The following GAP43 variants were observed in gnomAD, a reference collection of about 807,000 sequenced individuals.
GAP43 encodes growth associated protein 43, also known as neuromodulin.
In GAP43, 6 loss-of-function variants were observed where a neutral mutation model predicts 18.6. That is an observed-to-expected ratio of 0.32 (90% CI 0.18 to 0.64). The LOEUF (loss-of-function observed/expected upper bound fraction) is 0.64, where lower values mean the gene tolerates loss of function less well. Among genes scored for constraint, GAP43 ranks in the 30% least tolerant of loss-of-function variants. The pLI is 0.78. For synonymous variants in GAP43, 115 were observed against 111.4 expected (o/e 1.03, Z -0.20); for missense variants, 292 against 295.5 (o/e 0.99, Z 0.09).
At chr3:115,712,059 A>C (rs146330135) in intron 2 of GAP43, among the ~76,000 whole-genome samples, 12 of 152,232 alleles carry the variant, frequency 7.9e-5, no homozygotes, top group African/African-American at 2.6e-4. Context: ...TTTGATAGAC[A>C]TTTTTTATAA....
chr3:115,681,371 T>A (rs1708955853), intron 2 of GAP43, among the ~76,000 whole-genome samples: 1 of 152,196 alleles, frequency 6.6e-6, no homozygotes. Flanking sequence ...GTTCTTTCTC[T>A]CTATTAAGGT....
At chr3:115,677,532 C>T (rs1472636914) in intron 2 of GAP43, among the ~76,000 whole-genome samples, 1 of 152,166 alleles carries the variant, frequency 6.6e-6, no homozygotes, top group East Asian at 1.9e-4. Context: ...AGATCCTTCC[C>T]TCACCCCAAC....
At chr3:115,690,857 G>A (rs571102211) in intron 2 of GAP43, among the ~76,000 whole-genome samples, 10 of 147,762 alleles carry the variant, frequency 6.8e-5, no homozygotes, top group South Asian at 2.1e-4. Flanking sequence ...CCAGGTTCAC[G>A]CCATTCTCCT....
At chr3:115,678,793 T>A (rs535235584) in intron 2 of GAP43, among the ~76,000 whole-genome samples, 1 of 151,974 alleles carries the variant, frequency 6.6e-6, no homozygotes, top group East Asian at 1.9e-4. Context: ...TTGAAGGTAA[T>A]CACAAAGGGC....
chr3:115,675,818 C>T (rs1304500211), intron 1 of GAP43, among the ~76,000 whole-genome samples, 195 bp from the exon 2 acceptor site: 1 of 121,290 alleles, frequency 8.2e-6, no homozygotes, highest in Admixed American at 8.5e-5. Flanking sequence ...GTCCGAAAGA[C>T]ATTACTTTTC....
chr3:115,701,295 G>A (rs1709294300), intron 2 of GAP43, among the ~76,000 whole-genome samples: 1 of 151,958 alleles, frequency 6.6e-6, no homozygotes, highest in Non-Finnish European at 1.5e-5. Flanking sequence ...TATATCCTCT[G>A]AGCCCCTCTG....
chr3:115,658,662 C>G (rs981939211), intron 1 of GAP43: 1 of 152,234 alleles, frequency 6.6e-6, no homozygotes, highest in Non-Finnish European at 1.5e-5. Context: ...GCTTGGGGTC[C>G]GCGGGGCTCC....
intron 1 of GAP43, among the ~76,000 whole-genome samples, chr3:115,670,225 C>A (rs1375790113): frequency 7.4e-6 from 1 of 135,204 alleles, no homozygotes; most frequent in Non-Finnish European, 1.6e-5. Flanking sequence ...CAATTCCCAC[C>A]TATGAGTGAG....
rs376412583 is a variant in GAP43 at position 115,641,510 on chromosome 3, T to TCACACACACACACACA, written c.30+17809_30+17824dup. Among the ~76,000 whole-genome samples the TCACACACACACACACA allele has an allele frequency of 8.3e-3, 884 of 107,046 alleles. 4 individuals are homozygous for TCACACACACACACACA. The highest frequency in any genetic ancestry group is 0.015 in the African/African-American group (430 of 27,902). 70.2% of individuals were successfully genotyped at this position (107,046 alleles called of 152,430 possible). A position where few individuals can be genotyped will look rare whatever the true frequency, so the allele number is the denominator to read the frequency against. ...GTGCATATATTATACATATATATAT[T>TCACACACACACACACA]CACACACACACACACACACACACAC... On this transcript the variant is annotated intron_variant, in intron 1 of 2. Coordinates refer to ENST00000305124, the MANE Select transcript of GAP43 (RefSeq NM_002045.4).
chr3:115,667,200 A>T (rs895892813), intron 1 of GAP43, among the ~76,000 whole-genome samples: 8 of 152,228 alleles, frequency 5.3e-5, no homozygotes, highest in Non-Finnish European at 1.0e-4. Context: ...AAAAAAACAG[A>T]TAAAGTTCTG....
intron 1 of GAP43, among the ~76,000 whole-genome samples, chr3:115,646,751 A>G (rs1708462062): frequency 6.6e-6 from 1 of 152,028 alleles, no homozygotes; most frequent in Admixed American, 6.6e-5. Flanking sequence ...GACCCCAACC[A>G]CAAGAGACCT....
chr3:115,702,732 G>GT (rs1245079203), intron 2 of GAP43, among the ~76,000 whole-genome samples: 3 of 152,096 alleles, frequency 2.0e-5, no homozygotes, highest in Non-Finnish European at 2.9e-5. Context: ...TTCTCTGTGT[G>GT]TGTAGCTCCT....
intron 1 of GAP43, among the ~76,000 whole-genome samples, chr3:115,670,169 C>T (rs572407710): frequency 1.2e-3 from 136 of 113,130 alleles, no homozygotes; most frequent in African/African-American, 3.8e-3. Flanking sequence ...ACCACAGTCC[C>T]CAGAGTGTGA....
rs144097025 is a variant in GAP43, at chr3:115,669,912, A to G, written c.31-6101A>G. Among the ~76,000 whole-genome samples the G allele has an allele frequency of 3.9e-4, 58 of 150,208 alleles. No individual in the cohort carries two copies. The East Asian group carries it at 8.2e-3, about 21-fold the overall frequency. On this transcript the variant is annotated intron_variant, in intron 1 of 2. Transcript: ENST00000305124. The stretch of plus-strand genomic sequence containing the variant: ...ACCCTAGGTATGAGGTCTTCAAACC[A>G]GACTGCATGTTGGGGGATCCGGTGT...
intron 2 of GAP43, among the ~76,000 whole-genome samples, chr3:115,716,767 T>TAC (rs1559809167): frequency 9.7e-4 from 77 of 79,428 alleles, no homozygotes; most frequent in Middle Eastern, 7.2e-3. Context: ...TATATATATA[T>TAC]ACAGAGAGAG....
intron 2 of GAP43, among the ~76,000 whole-genome samples, chr3:115,690,819 A>T (rs551570603): frequency 2.7e-4 from 37 of 138,446 alleles, no homozygotes; most frequent in Non-Finnish European, 4.5e-4. Flanking sequence ...GCAGTGGTGC[A>T]ATCTCAGCTC....
chr3:115,711,913 C>G (rs1709444113), intron 2 of GAP43, among the ~76,000 whole-genome samples: 1 of 152,152 alleles, frequency 6.6e-6, no homozygotes, highest in African/African-American at 2.4e-5. Flanking sequence ...AAGTTAACAT[C>G]ATTTAACTTA....
intron 1 of GAP43, among the ~76,000 whole-genome samples, chr3:115,665,989 A>AGTGT (rs34314907): frequency 0.037 from 2,259 of 61,554 alleles, 17 homozygotes; most frequent in Non-Finnish European, 0.041. Context: ...TGGCTAAATG[A>AGTGT]GTGTGTGTGT....
At chr3:115,654,383 C>T (rs1348530386) in intron 1 of GAP43, among the ~76,000 whole-genome samples, 3 of 152,160 alleles carry the variant, frequency 2.0e-5, no homozygotes, top group Non-Finnish European at 4.4e-5. Context: ...TACAAATGGT[C>T]CTTACTAAAG....
Sources: gnomAD v4.1 joint callset for allele counts (sites outside exome capture counted in the v4.1 genomes callset) on GRCh38, gnomAD v4.1.1 for gene constraint, MANE v1.5 for transcripts, NCBI Gene and HGNC (gene_info 2026-07-23, HGNC 2026-07-21) for gene names.